Variants in SOX5 observed in about 807,000 individuals in gnomAD.
SOX5 encodes the protein transcription factor SOX-5.
SOX5 carries 9 observed loss-of-function variants against 92.0 expected under a neutral mutation model. That is an observed-to-expected ratio of 0.10 (90% CI 0.06 to 0.17). The LOEUF (loss-of-function observed/expected upper bound fraction) is 0.17, where lower values mean the gene tolerates loss of function less well. Ranked by LOEUF, SOX5 falls within the 10% of genes least tolerant of loss-of-function variation. The pLI is 1.00. For missense variants in SOX5, 642 were observed against 944.5 expected, an observed-to-expected ratio of 0.68 and a Z score of 4.20; for synonymous variants, 344 against 336.3, an observed-to-expected ratio of 1.02 and a Z score of -0.25.
At chr12:23,775,736 T>C (rs994960847) in intron 3 of SOX5, among the ~76,000 whole-genome samples, 1 of 152,234 alleles carries the variant, frequency 6.6e-6, no homozygotes, top group African/African-American at 2.4e-5. Flanking sequence ...GCTGAGTTCA[T>C]TGTCACTTCT....
chr12:23,760,613 G>GC (rs5797037), intron 3 of SOX5, among the ~76,000 whole-genome samples: 16 of 151,936 alleles, frequency 1.1e-4, no homozygotes, highest in East Asian at 5.9e-4. Flanking sequence ...CCAGTGAATG[G>GC]CCCCCCCCAA....
At chr12:23,799,167 A>G (rs1440978250) in intron 3 of SOX5, among the ~76,000 whole-genome samples, 1 of 151,988 alleles carries the variant, frequency 6.6e-6, no homozygotes, top group African/African-American at 2.4e-5. Flanking sequence ...GTTTTCTTCC[A>G]GTAGATAAAG....
intron 4 of SOX5, among the ~76,000 whole-genome samples, chr12:24,180,105 G>A (rs1955315818): frequency 6.6e-6 from 1 of 151,972 alleles, no homozygotes; most frequent in African/African-American, 2.4e-5. Context: ...AGGATTATAG[G>A]AAAAGTTATG....
intron 4 of SOX5, among the ~76,000 whole-genome samples, chr12:24,172,144 T>C (rs1036002001): frequency 1.3e-5 from 2 of 151,914 alleles, no homozygotes; most frequent in Non-Finnish European, 2.9e-5. Flanking sequence ...GGATTGGAAG[T>C]AGTGACAAAT....
chr12:24,019,156 T>C (rs772277563), intron 4 of SOX5, among the ~76,000 whole-genome samples: 3 of 152,084 alleles, frequency 2.0e-5, no homozygotes, highest in Non-Finnish European at 4.4e-5. Flanking sequence ...AAAAAAATGT[T>C]GTACAGATGA....
upstream of SOX5, among the ~76,000 whole-genome samples, chr12:23,955,510 C>T (rs1223828862): frequency 6.6e-6 from 1 of 152,172 alleles, no homozygotes; most frequent in East Asian, 1.9e-4. Context: ...CCCCATGTAA[C>T]TCCTTTGCAA....
intron 4 of SOX5, among the ~76,000 whole-genome samples, chr12:23,956,023 C>T (rs1013373861): frequency 1.3e-5 from 2 of 151,962 alleles, no homozygotes; most frequent in African/African-American, 4.8e-5. Flanking sequence ...GTTTTCCCAC[C>T]GTGAATGTAT....
intron 3 of SOX5, among the ~76,000 whole-genome samples, chr12:24,225,189 A>G (rs2728851): frequency 0.51 from 77,391 of 152,002 alleles, 20,069 homozygotes; most frequent in East Asian, 0.73. Flanking sequence ...TCAGGTGGAA[A>G]GGAATGTCAG....
chr12:24,055,755 A>AT (rs1958028141), intron 4 of SOX5, among the ~76,000 whole-genome samples: 1 of 152,250 alleles, frequency 6.6e-6, no homozygotes, highest in Non-Finnish European at 1.5e-5. Context: ...AAGAAAAAAA[A>AT]GTACAATGAC....
rs1565537300 is a variant in SOX5 at position 23,530,825 on chromosome 12, G to GCGCGCGCGCGCGCGCGCGCGCGCA, written c.*3393_*3394insTGCGCGCGCGCGCGCGCGCGCGCG. The GCGCGCGCGCGCGCGCGCGCGCGCA allele has an allele frequency of 6.9e-6, 1 of 144,416 alleles. No homozygotes were observed. Among genetic ancestry groups the GCGCGCGCGCGCGCGCGCGCGCGCA allele is most frequent in the African/African-American group, 2.6e-5 (1 of 38,244 alleles). 8.9% of individuals were successfully genotyped at this position (144,416 alleles called of 1,614,324 possible). On this transcript the variant is annotated 3_prime_UTR_variant, in exon 15 of 15. Transcript: ENST00000451604. ...TGTGTGTGTGTGTGTGTGTGCGCGC[G>GCGCGCGCGCGCGCGCGCGCGCGCA]CGCGCGCGCGCATGTGAGAGAGAGA... is the stretch of plus-strand genomic sequence containing the variant.
At chr12:24,186,659 A>G (rs1460845487) in intron 4 of SOX5, among the ~76,000 whole-genome samples, 1 of 152,162 alleles carries the variant, frequency 6.6e-6, no homozygotes, top group Non-Finnish European at 1.5e-5. Context: ...ATATTTAACT[A>G]TATAAAAAAA....
chr12:23,914,362 GAATT>G (rs748242048), intron 1 of SOX5, among the ~76,000 whole-genome samples: 2 of 151,938 alleles, frequency 1.3e-5, no homozygotes, highest in Admixed American at 6.5e-5. Context: ...ATAGTAGTTG[GAATT>G]AATTTATGGC....
chr12:23,622,057 T>A (rs2138120668), intron 8 of SOX5, among the ~76,000 whole-genome samples: 1 of 152,208 alleles, frequency 6.6e-6, no homozygotes, highest in Admixed American at 6.6e-5. Context: ...GAGGCCTTGG[T>A]GTATCGAGAC....
intron 8 of SOX5, among the ~76,000 whole-genome samples, chr12:23,620,295 T>C (rs1343637218): frequency 6.6e-6 from 1 of 152,090 alleles, no homozygotes; most frequent in African/African-American, 2.4e-5. Flanking sequence ...AGTAATTTAA[T>C]AAGAGGAATG....
chr12:24,297,407 G>C (rs1427843905), intron 2 of SOX5, among the ~76,000 whole-genome samples: 1 of 152,028 alleles, frequency 6.6e-6, no homozygotes, highest in Non-Finnish European at 1.5e-5. Context: ...CACACAGCAT[G>C]GGCTGAAAAG....
intron 3 of SOX5, among the ~76,000 whole-genome samples, chr12:23,810,417 G>A (rs1295925868): frequency 6.6e-6 from 1 of 152,126 alleles, no homozygotes; most frequent in Admixed American, 6.6e-5. Context: ...ACACAATGCA[G>A]GCTCAGATCT....
rs143562731 is a variant in SOX5, at chr12:24,169,627, G to T, written c.-2+43716C>A. On this transcript the variant is annotated intron_variant, in intron 4 of 4. Transcript: ENST00000446891. ...ACATGTATTTTACATGTGTTGTCCA[G>T]CACTAGGCTAAAGATAGAAAATTAG... 1.8e-3 allele frequency among the ~76,000 whole-genome samples: 272 copies of T among 152,268 alleles called. 1 individual carries two copies. Among genetic ancestry groups the T allele is most frequent in the African/African-American group, 6.2e-3 (259 of 41,544 alleles).
chr12:24,151,089 A>G (rs1317777975), intron 4 of SOX5, among the ~76,000 whole-genome samples: 1 of 152,090 alleles, frequency 6.6e-6, no homozygotes, highest in South Asian at 2.1e-4. Flanking sequence ...CAGAAAAAAT[A>G]CTGTGTAACT....
At chr12:23,715,723 C>T (rs548587081) in intron 6 of SOX5, among the ~76,000 whole-genome samples, 1 of 149,160 alleles carries the variant, frequency 6.7e-6, no homozygotes, top group African/African-American at 2.5e-5. Context: ...AGCATGAATT[C>T]CATACAGAAA....
Sources: gnomAD v4.1 joint callset for allele counts (sites outside exome capture counted in the v4.1 genomes callset) on GRCh38, gnomAD v4.1.1 for gene constraint, MANE v1.5 for transcripts, NCBI Gene and HGNC (gene_info 2026-07-23, HGNC 2026-07-21) for gene names.